DNM3: variants seen among roughly 807,000 people sequenced by gnomAD.
DNM3 encodes the protein dynamin 3.
DNM3 carries 47 observed loss-of-function variants against 101.6 expected under a neutral mutation model. The ratio of observed to expected loss-of-function variants is 0.46; its 90% confidence interval spans 0.37 to 0.59. The LOEUF (loss-of-function observed/expected upper bound fraction) is 0.59, where lower values mean the gene tolerates loss of function less well. DNM3 is among the 20% of genes least tolerant of loss of function. The pLI is 0.00. For synonymous variants in DNM3, 385 were observed against 387.9 expected (o/e 0.99, Z 0.09); for missense variants, 849 against 1,085.7 (o/e 0.78, Z 3.06).
chr1:171,908,938 C>T lies in DNM3; in HGVS notation c.162-12810C>T, dbSNP rs530833701. Among the ~76,000 whole-genome samples the T allele has an allele frequency of 1.1e-4, 17 of 152,220 alleles. No individual in the cohort carries two copies. In the South Asian group the frequency reaches 2.3e-3, roughly 20 times the overall value. On this transcript the variant is annotated intron_variant, in intron 1 of 20. Coordinates refer to ENST00000627582, the MANE Select transcript of DNM3 (RefSeq NM_015569.5). ...CCTACTTCCCTTCCTTCCATCTTTCCTTCCTCCTGCCTTTCTGCCTCCTTC... is the reference window on the plus strand; with the variant it reads ...CCTACTTCCCTTCCTTCCATCTTTCTTTCCTCCTGCCTTTCTGCCTCCTTC...
chr1:172,105,113 A>T, intron 13 of DNM3, among the ~76,000 whole-genome samples: 1 of 152,250 alleles, frequency 6.6e-6, no homozygotes, highest in East Asian at 1.9e-4. Flanking sequence ...TAATGTACAA[A>T]TATAATCATA....
At chr1:171,846,344 G>A (rs1352020897) in intron 1 of DNM3, among the ~76,000 whole-genome samples, 1 of 152,134 alleles carries the variant, frequency 6.6e-6, no homozygotes, top group Non-Finnish European at 1.5e-5. Context: ...GGATATCTCT[G>A]TTTTGGAATT....
At chr1:172,337,652 A>G (rs1217226352) in intron 17 of DNM3, among the ~76,000 whole-genome samples, 1 of 152,096 alleles carries the variant, frequency 6.6e-6, no homozygotes, top group African/African-American at 2.4e-5. Context: ...AATAGTATCA[A>G]TGTTCAGTTG....
At chr1:171,958,277 G>A (rs2042990083) in intron 2 of DNM3, among the ~76,000 whole-genome samples, 1 of 152,202 alleles carries the variant, frequency 6.6e-6, no homozygotes, top group Admixed American at 6.5e-5. Context: ...CATGACATGT[G>A]GCAATTGTGG....
At position 172,348,119 on chromosome 1, in the gene DNM3, C is replaced by A. The variant is rs369255263; in HGVS notation, c.1893+24779C>A. ...TGGGAGAGGCAGGGGGCTGAGTTGGCAGATGGTATTACATGATACTGTATG... is the reference window on the plus strand; with the variant it reads ...TGGGAGAGGCAGGGGGCTGAGTTGGAAGATGGTATTACATGATACTGTATG... On this transcript the variant is annotated intron_variant, in intron 17 of 20. Transcript: ENST00000627582. 1.5e-4 allele frequency among the ~76,000 whole-genome samples: 23 copies of A among 152,058 alleles called. 1 individual carries two copies. The South Asian group carries it at 4.8e-3, about 32-fold the overall frequency.
intron 2 of DNM3, among the ~76,000 whole-genome samples, chr1:171,943,619 AC>A (rs2125420646): frequency 6.6e-6 from 1 of 152,310 alleles, no homozygotes; most frequent in East Asian, 1.9e-4. Context: ...TCTACCTATG[AC>A]CTGGAAGCCC....
intron 17 of DNM3, among the ~76,000 whole-genome samples, chr1:172,335,757 A>T (rs183719750): frequency 6.6e-6 from 1 of 152,306 alleles, no homozygotes; most frequent in Admixed American, 6.5e-5. Flanking sequence ...ACATGGATAT[A>T]CAGAAGACAA....
intron 4 of DNM3, among the ~76,000 whole-genome samples, chr1:172,002,881 CAATGTA>C (rs1459899152): frequency 6.6e-6 from 1 of 151,944 alleles, no homozygotes; most frequent in Non-Finnish European, 1.5e-5. Context: ...TTATTATCAT[CAATGTA>C]AAAGGCCTCA....
At chr1:172,382,791 A>G (rs2068983751) in intron 18 of DNM3, among the ~76,000 whole-genome samples, 1 of 152,194 alleles carries the variant, frequency 6.6e-6, no homozygotes, top group Non-Finnish European at 1.5e-5. Flanking sequence ...CCCAGATAAT[A>G]CAAAAGAGAA....
chr1:171,982,307 A>G (rs1456244005), intron 2 of DNM3, among the ~76,000 whole-genome samples: 2 of 152,168 alleles, frequency 1.3e-5, no homozygotes, highest in African/African-American at 2.4e-5. Context: ...AGTTTGACTT[A>G]GATGCTAGAA....
At chr1:172,189,486 C>G (rs1224675248) in intron 14 of DNM3, among the ~76,000 whole-genome samples, 2 of 152,042 alleles carry the variant, frequency 1.3e-5, no homozygotes, top group Non-Finnish European at 2.9e-5. Flanking sequence ...TATTCATGAA[C>G]ATGGAATTTC....
chr1:172,145,984 C>T (rs1316031384), intron 14 of DNM3, among the ~76,000 whole-genome samples: 2 of 152,064 alleles, frequency 1.3e-5, no homozygotes, highest in Non-Finnish European at 2.9e-5. Context: ...TCTCACTTTC[C>T]CTCCATAGGA....
At chr1:172,143,182 G>C (rs1418908247) in intron 14 of DNM3, among the ~76,000 whole-genome samples, 4 of 152,112 alleles carry the variant, frequency 2.6e-5, no homozygotes, top group Non-Finnish European at 5.9e-5. Flanking sequence ...TTGCTAAAGA[G>C]AACTTGAGTC....
At chr1:172,143,851 T>C (rs1332508992) in intron 14 of DNM3, among the ~76,000 whole-genome samples, 1 of 152,166 alleles carries the variant, frequency 6.6e-6, no homozygotes, top group Non-Finnish European at 1.5e-5. Context: ...CATTGTCTGG[T>C]AGGCAAGACT....
intron 8 of DNM3, 98 bp downstream of exon 8, chr1:172,042,242 C>T (rs2049440044): frequency 3.4e-6 from 4 of 1,177,160 alleles, no homozygotes; most frequent in Non-Finnish European, 3.4e-6. Context: ...ATAGAACTAA[C>T]ATAGTTCTTT....
chr1:172,130,534 G>C (rs2056880561), intron 13 of DNM3, among the ~76,000 whole-genome samples: 1 of 152,130 alleles, frequency 6.6e-6, no homozygotes. Context: ...ATATGGTAGA[G>C]AACAACCAGA....
At chr1:172,146,497 A>C (rs945392403) in intron 14 of DNM3, among the ~76,000 whole-genome samples, 1 of 152,046 alleles carries the variant, frequency 6.6e-6, no homozygotes, top group African/African-American at 2.4e-5. Flanking sequence ...TTGCTTCCAT[A>C]TTTGTGTCTT....
intron 17 of DNM3, among the ~76,000 whole-genome samples, chr1:172,338,320 A>C (rs1382223751): frequency 6.6e-6 from 1 of 152,198 alleles, no homozygotes; most frequent in Non-Finnish European, 1.5e-5. Context: ...AAATTACAAA[A>C]GCTATGACTA....
intron 2 of DNM3, among the ~76,000 whole-genome samples, chr1:171,983,079 C>T (rs766538560): frequency 1.3e-5 from 2 of 152,122 alleles, no homozygotes; most frequent in Non-Finnish European, 2.9e-5. Flanking sequence ...AATTTGCCAT[C>T]TTTACAAAAT....
Sources: gnomAD v4.1 joint callset for allele counts (sites outside exome capture counted in the v4.1 genomes callset) on GRCh38, gnomAD v4.1.1 for gene constraint, MANE v1.5 for transcripts, NCBI Gene and HGNC (gene_info 2026-07-23, HGNC 2026-07-21) for gene names.